SP4: variants seen among roughly 807,000 people sequenced by gnomAD.
SP4 encodes the protein Sp4 transcription factor.
SP4 carries 19 observed loss-of-function variants against 72.8 expected under a neutral mutation model. That is an observed-to-expected ratio of 0.26 (90% confidence interval 0.18 to 0.38). SP4 has a LOEUF of 0.38. SP4 is among the 10% of genes least tolerant of loss of function. The probability of loss-of-function intolerance (pLI) is 1.00; values close to 1 mark genes in which losing one functional copy is unlikely to be tolerated. For missense variants in SP4, 1,008 were observed against 926.3 expected, an observed-to-expected ratio of 1.09 and a Z score of -1.14; for synonymous variants, 395 against 333.1, an observed-to-expected ratio of 1.19 and a Z score of -2.02.
chr7:21,428,494 G>A (rs949724575), intron 1 of SP4, among the ~76,000 whole-genome samples, 183 bp from the exon 2 acceptor site: 1 of 152,232 alleles, frequency 6.6e-6, no homozygotes, highest in South Asian at 2.1e-4. Flanking sequence ...TTCAAACCAC[G>A]TTTTGTGATA....
chr7:21,456,464 T>C (rs146661850), intron 3 of SP4, among the ~76,000 whole-genome samples: 117 of 152,280 alleles, frequency 7.7e-4, no homozygotes, highest in African/African-American at 2.6e-3. Context: ...AAAACAAGTA[T>C]AAATCTCAGG....
intron 3 of SP4, among the ~76,000 whole-genome samples, chr7:21,460,415 G>A (rs1292688741): frequency 1.3e-5 from 2 of 151,866 alleles, no homozygotes; most frequent in Non-Finnish European, 2.9e-5. Context: ...TGGTCTCGCT[G>A]GCTTCAGGAG....
chr7:21,468,034 C>T (rs1227699245), intron 3 of SP4, among the ~76,000 whole-genome samples: 2 of 152,050 alleles, frequency 1.3e-5, no homozygotes, highest in Non-Finnish European at 2.9e-5. Context: ...ATCTGTCTTA[C>T]TTACAGAGTA....
In SP4 at chr7:21,477,246, C is replaced by T; in HGVS notation, c.1846C>T (p.Pro616Ser). ...GQQTSDQEVQ[P>S]GKRLRRVACS... is the part of the protein sequence containing the mutation. The stretch of plus-strand genomic sequence containing the variant: ...GCAGACTTCTGATCAAGAGGTACAA[C>T]CTGGCAAGAGGCTTCGAAGAGTTGC... The change falls in exon 4 of 6, where the codon CCT becomes TCT. Residue 616 changes from proline to serine, a missense_variant. By Grantham distance (74) the Pro-to-Ser change is moderately conservative. Transcript: ENST00000222584. 6.2e-7 allele frequency: 1 copy of T among 1,614,146 alleles called. No individual in the cohort carries two copies. The highest frequency in any genetic ancestry group is 8.5e-7 in the Non-Finnish European group (1 of 1,180,002).
intron 3 of SP4, among the ~76,000 whole-genome samples, chr7:21,454,147 A>G (rs1481738161): frequency 1.3e-5 from 2 of 152,204 alleles, no homozygotes; most frequent in South Asian, 4.1e-4. Flanking sequence ...TGTGGAGCCT[A>G]GGACACCAGA....
At chr7:21,503,835 A>G (rs1381255813) in intron 5 of SP4, among the ~76,000 whole-genome samples, 1 of 152,182 alleles carries the variant, frequency 6.6e-6, no homozygotes, top group Non-Finnish European at 1.5e-5. Flanking sequence ...CACAATTTCC[A>G]CATGCTTGTT....
At chr7:21,507,950 C>G (rs977404265) in intron 5 of SP4, among the ~76,000 whole-genome samples, 7 of 152,118 alleles carry the variant, frequency 4.6e-5, no homozygotes, top group Non-Finnish European at 5.9e-5. Context: ...ATCTCAGTCA[C>G]ACACACTCAA....
chr7:21,489,788 T>C (rs1784924956), intron 5 of SP4, among the ~76,000 whole-genome samples: 1 of 152,026 alleles, frequency 6.6e-6, no homozygotes, highest in South Asian at 2.1e-4. Context: ...CTCAATCTCC[T>C]GACCTTGGAT....
rs1243946943 is a variant in SP4 at position 21,462,090 on chromosome 7, A to G, written c.1679-14989A>G. On this transcript the variant is annotated intron_variant, in intron 3 of 5. Coordinates refer to ENST00000222584, the MANE Select transcript of SP4 (RefSeq NM_003112.5). Reference sequence around the variant, plus strand: ...GTTACCCAGGCAGTGCAGTGGTGTGATCTTGGCTTGCTGCAACCTCCACCT... The same window carrying G: ...GTTACCCAGGCAGTGCAGTGGTGTGGTCTTGGCTTGCTGCAACCTCCACCT... Among the ~76,000 whole-genome samples, 5 of 141,708 alleles carry G rather than the reference A, an allele frequency of 3.5e-5. 1 individual carries two copies. The highest frequency in any genetic ancestry group is 1.3e-4 in the African/African-American group (5 of 37,384). 93.0% of individuals were successfully genotyped at this position (141,708 alleles called of 152,430 possible).
At chr7:21,458,054 T>A (rs976283844) in intron 3 of SP4, among the ~76,000 whole-genome samples, 17 of 152,094 alleles carry the variant, frequency 1.1e-4, no homozygotes, top group Non-Finnish European at 2.2e-4. Context: ...GAAGAAGAAA[T>A]GTTGGGGTCA....
chr7:21,439,824 A>C (rs556616172), intron 3 of SP4, among the ~76,000 whole-genome samples: 1 of 152,276 alleles, frequency 6.6e-6, no homozygotes, highest in South Asian at 2.1e-4. Flanking sequence ...CTTGAACTCA[A>C]GAGTTCTGTT....
At chr7:21,458,815 A>G (rs899342063) in intron 3 of SP4, among the ~76,000 whole-genome samples, 2 of 152,032 alleles carry the variant, frequency 1.3e-5, no homozygotes, top group East Asian at 1.9e-4. Flanking sequence ...TATTAGAGAA[A>G]AATCTGTGGC....
chr7:21,463,605 C>A (rs1027777843), intron 3 of SP4, among the ~76,000 whole-genome samples: 1 of 152,028 alleles, frequency 6.6e-6, no homozygotes, highest in African/African-American at 2.4e-5. Context: ...AGATTGAGTT[C>A]AAAAATAAAC....
rs1782810321 is a variant in SP4 at position 21,430,598 on chromosome 7, A to C, written c.1433A>C (p.Gln478Pro). Residue 478 changes from glutamine to proline, a missense_variant, in exon 3 of 6, where the codon CAG becomes CCG. Transcript: ENST00000222584. ...SWQTVQVQNIQSLSNLQVQNA... is the reference protein window; with the variant it reads ...SWQTVQVQNIPSLSNLQVQNA... The stretch of plus-strand genomic sequence containing the variant: ...CAAACTGTACAGGTTCAGAATATTC[A>C]GAGTCTTTCAAATTTGCAAGTTCAG... 3 of 1,614,226 alleles carry C rather than the reference A, an allele frequency of 1.9e-6. No individual in the cohort carries two copies. Among genetic ancestry groups the C allele is most frequent in the African/African-American group, 2.7e-5 (2 of 75,056 alleles).
At chr7:21,441,505 AAAT>A (rs1049752360) in intron 3 of SP4, among the ~76,000 whole-genome samples, 1 of 152,192 alleles carries the variant, frequency 6.6e-6, no homozygotes, top group African/African-American at 2.4e-5. Context: ...GATTGTGCCA[AAAT>A]AATAATAATA....
intron 3 of SP4, among the ~76,000 whole-genome samples, chr7:21,468,151 A>T (rs973099256): frequency 1.3e-5 from 2 of 152,156 alleles, no homozygotes; most frequent in African/African-American, 4.8e-5. Context: ...CATCTGTTTT[A>T]AATTGTGTTC....
chr7:21,446,601 C>G (rs925090748), intron 3 of SP4, among the ~76,000 whole-genome samples: 2 of 152,092 alleles, frequency 1.3e-5, no homozygotes, highest in Non-Finnish European at 2.9e-5. Context: ...GAGGTACTTT[C>G]ATTTAGTGTT....
At chr7:21,470,195 A>G (rs1375586528) in intron 3 of SP4, among the ~76,000 whole-genome samples, 2 of 152,172 alleles carry the variant, frequency 1.3e-5, no homozygotes, top group Non-Finnish European at 2.9e-5. Flanking sequence ...TAGATTTTAG[A>G]TTATCATTCG....
At chr7:21,488,302 A>T (rs867497748) in intron 5 of SP4, among the ~76,000 whole-genome samples, 4 of 152,044 alleles carry the variant, frequency 2.6e-5, no homozygotes, top group Non-Finnish European at 5.9e-5. Context: ...ATTTTGCCCC[A>T]ATTTTTTGAT....
Sources: gnomAD v4.1 joint callset for allele counts (sites outside exome capture counted in the v4.1 genomes callset) on GRCh38, gnomAD v4.1.1 for gene constraint, MANE v1.5 for transcripts, NCBI Gene and HGNC (gene_info 2026-07-23, HGNC 2026-07-21) for gene names.